Variants in PCNX2 observed in about 807,000 individuals in gnomAD.
PCNX2 encodes pecanex-like protein 2.
Under a neutral mutation model 223.8 loss-of-function variants are expected in PCNX2, and 168 were observed. That is an observed-to-expected ratio of 0.75 (90% CI 0.66 to 0.85). PCNX2 has a LOEUF of 0.85. Among genes scored for constraint, PCNX2 ranks in the 40% least tolerant of loss-of-function variants. The probability of loss-of-function intolerance (pLI) is 0.00; values close to 1 mark genes in which losing one functional copy is unlikely to be tolerated. For missense variants in PCNX2, 2,507 were observed against 2,675.5 expected (o/e 0.94, Z 1.39); for synonymous variants, 1,006 against 1,052.6 (o/e 0.96, Z 0.86).
At chr1:233,233,453 TGTGTGTG>T (rs1658193713) in intron 9 of PCNX2, among the ~76,000 whole-genome samples, 1 of 151,680 alleles carries the variant, frequency 6.6e-6, no homozygotes, top group Non-Finnish European at 1.5e-5. Flanking sequence ...TGTGTGTGTG[TGTGTGTG>T]TGTGTGTGTA....
At chr1:233,292,793 A>T (rs972428826) in intron 1 of PCNX2, among the ~76,000 whole-genome samples, 56 of 152,352 alleles carry the variant, frequency 3.7e-4, no homozygotes, top group African/African-American at 1.2e-3. Flanking sequence ...AAGCAAGAAA[A>T]AAATAACCTG....
Position 233,045,437 on chromosome 1 carries a change from C to T in PCNX2, c.4351+8831G>A, listed in dbSNP as rs139958054. 3.1e-3 allele frequency among the ~76,000 whole-genome samples: 479 copies of T among 152,338 alleles called. 1 individual carries two copies. The highest frequency in any genetic ancestry group is 0.011 in the African/African-American group (439 of 41,578). On this transcript the variant is annotated intron_variant, in intron 25 of 33. Transcript: ENST00000258229. The stretch of plus-strand genomic sequence containing the variant: ...GAAACCATCCCCTTCCCCACTACCT[C>T]CACTCACTGACTGGACTCTACATGA...
intron 1 of PCNX2, among the ~76,000 whole-genome samples, chr1:233,294,481 T>C (rs750817141): frequency 3.9e-5 from 6 of 152,168 alleles, no homozygotes; most frequent in Non-Finnish European, 7.3e-5. Flanking sequence ...CCATCAGTCA[T>C]GCAAACTCAT....
chr1:233,255,490 C>T (rs1659687364), intron 5 of PCNX2, among the ~76,000 whole-genome samples: 1 of 152,184 alleles, frequency 6.6e-6, no homozygotes, highest in Non-Finnish European at 1.5e-5. Context: ...ATAGACTTTG[C>T]TTGTTCTCAT....
At position 233,174,079 on chromosome 1, in the gene PCNX2, TA is replaced by T. The variant is rs917233217; in HGVS notation, c.3273+3722del. Among the ~76,000 whole-genome samples the T allele has an allele frequency of 1.5e-4, 22 of 143,770 alleles. 1 individual carries two copies. The highest frequency in any genetic ancestry group is 1.4e-3 in the Admixed American group (20 of 14,296). 94.3% of individuals were successfully genotyped at this position (143,770 alleles called of 152,430 possible). The stretch of plus-strand genomic sequence containing the variant: ...TAATTTAAATTTTATATATAATATA[TA>T]AAATTATATATAAATATATTTAATT... On this transcript the variant is annotated intron_variant, in intron 17 of 33. Coordinates refer to ENST00000258229, the MANE Select transcript of PCNX2 (RefSeq NM_014801.4).
At position 233,000,983 on chromosome 1, in the gene PCNX2, ACCATATTTTTAAAGG is replaced by A. The variant is rs1187208702; in HGVS notation, c.5098-463_5098-449del. On this transcript the variant is annotated intron_variant, in intron 29 of 33. Transcript: ENST00000258229. This position sits in a 1 kb window ranked among gnomAD's most constrained non-coding sequence, Gnocchi z 4.6. ...TTACAGTGCTGTGCAGAGAAAGGAG[ACCATATTTTTAAAGG>A]CCATTTTTTCCCCTAAAGTTTCAGG... 6.6e-6 allele frequency among the ~76,000 whole-genome samples: 1 copy of A among 152,090 alleles called. No homozygotes were observed. Among genetic ancestry groups the A allele is most frequent in the East Asian group, 1.9e-4 (1 of 5,184 alleles).
chr1:233,187,784 T>G (rs1032110942), intron 15 of PCNX2, among the ~76,000 whole-genome samples: 1 of 152,118 alleles, frequency 6.6e-6, no homozygotes, highest in Non-Finnish European at 1.5e-5. Context: ...CGGTTTCCCC[T>G]TCATCCTCAG....
At chr1:233,130,955 C>T (rs1233332416) in intron 21 of PCNX2, among the ~76,000 whole-genome samples, 2 of 152,088 alleles carry the variant, frequency 1.3e-5, no homozygotes, top group African/African-American at 2.4e-5. Context: ...GGCCTCCTGG[C>T]GCTTTGATCT....
rs191756789 is a variant in PCNX2, at chr1:233,003,306, T to A, written c.4953-1625A>T. On this transcript the variant is annotated intron_variant, in intron 28 of 33. Transcript: ENST00000258229. ...TCTACAAGGAACTTAAACAAATTTATAAGAAAAAAACAACCCCATCAAAAA... is the reference window on the plus strand; with the variant it reads ...TCTACAAGGAACTTAAACAAATTTAAAAGAAAAAAACAACCCCATCAAAAA... Among the ~76,000 whole-genome samples, 632 of 151,804 alleles carry A rather than the reference T, an allele frequency of 4.2e-3. 5 individuals are homozygous for A. The highest frequency in any genetic ancestry group is 0.015 in the African/African-American group (605 of 41,432).
intron 17 of PCNX2, among the ~76,000 whole-genome samples, chr1:233,176,329 T>G (rs114016208): frequency 0.01 from 1,587 of 152,318 alleles, 28 homozygotes; most frequent in African/African-American, 0.036. Context: ...AGTTGTAGGA[T>G]TCTCTTGTTC....
At chr1:233,158,573 T>C (rs558787018) in intron 19 of PCNX2, among the ~76,000 whole-genome samples, 19 of 152,264 alleles carry the variant, frequency 1.2e-4, no homozygotes, top group Non-Finnish European at 2.2e-4. Flanking sequence ...AGTATTGGTA[T>C]GGGTATAGGC....
At chr1:233,264,103 T>C (rs12758471) in intron 1 of PCNX2, among the ~76,000 whole-genome samples, 59,623 of 151,990 alleles carry the variant, frequency 0.39, 12,612 homozygotes, top group African/African-American at 0.56. Flanking sequence ...ATGCAATCCC[T>C]TCAAGAAACA....
chr1:233,009,710 C>T (rs1408394271), intron 28 of PCNX2, among the ~76,000 whole-genome samples: 2 of 152,140 alleles, frequency 1.3e-5, no homozygotes. Context: ...TCTAGAGAGT[C>T]CATGTCACTG....
At chr1:233,208,826 C>CAAAAAAAAAAAAAAAAAAAAAAAAAAT in intron 12 of PCNX2, 137 bp from the exon 13 acceptor site, 1 of 59,536 alleles carries the variant, frequency 1.7e-5, no homozygotes, top group Non-Finnish European at 3.2e-5. Flanking sequence ...AATTCATATA[C>CAAAAAAAAAAAAAAAAAAAAAAAAAAT]AAAAAAAAAA....
At chr1:233,130,514 T>G (rs1415179696) in intron 21 of PCNX2, among the ~76,000 whole-genome samples, 2 of 143,476 alleles carry the variant, frequency 1.4e-5, no homozygotes, top group Non-Finnish European at 3.1e-5. Flanking sequence ...TGATGGAGTC[T>G]TGCCTTGTTG....
Position 232,999,240 on chromosome 1 carries a change from T to C in PCNX2, c.5468A>G (p.Gln1823Arg). The change falls in exon 31 of 34, where the codon CAG becomes CGG. Residue 1823 changes from glutamine to arginine, a missense_variant. Gln to Arg is a conservative substitution (Grantham distance 43). This residue lies in a region of PCNX2 where 1,372 missense variants were observed against 1,509.4 expected (regional missense o/e 0.91). Transcript: ENST00000258229. Reference protein sequence around the residue: ...LRNLINSSCDQPLGYPMYVSP... With the variant: ...LRNLINSSCDRPLGYPMYVSP... ...GACATACATGGGGTACCCCAGGGGC[T>C]GATCGCAGGAGGAGTTAATCAAGTT... 6.2e-7 allele frequency: 1 copy of C among 1,613,850 alleles called. No individual in the cohort carries two copies. The highest frequency in any genetic ancestry group is 8.5e-7 in the Non-Finnish European group (1 of 1,179,828).
At position 233,001,575 on chromosome 1, in the gene PCNX2, C is replaced by T. The variant is rs1271611208; in HGVS notation, c.5059G>A (p.Val1687Ile). 6.6e-7 allele frequency: 1 copy of T among 1,509,552 alleles called. No homozygotes were observed. The highest frequency in any genetic ancestry group is 8.9e-7 in the Non-Finnish European group (1 of 1,120,506). The allele number at this position is 1,509,552 out of a possible 1,614,324, so 93.5% of individuals were successfully genotyped here. The change falls in exon 29 of 34, where the codon GTA becomes ATA. Residue 1687 changes from valine (V) to isoleucine (I), a missense_variant. Physicochemically the swap from Val to Ile is conservative, Grantham distance 29 (BLOSUM62 3). This residue lies in a region of PCNX2 where 1,372 missense variants were observed against 1,509.4 expected (regional missense o/e 0.91). Coordinates refer to ENST00000258229, the MANE Select transcript of PCNX2 (RefSeq NM_014801.4). The surrounding 1 kb of genome is among the most constrained non-coding windows in gnomAD (Gnocchi z 4.2). Reference protein sequence around the residue: ...FADMDLLHKVVAPAIRMSLKL... With the variant: ...FADMDLLHKVIAPAIRMSLKL... ...AGGGACATCCTGATAGCTGGAGCTA[C>T]AACTTTATGCAGTAGGTCCATGTCA... is the stretch of plus-strand genomic sequence containing the variant.
rs1387065011 is a variant in PCNX2 at position 233,025,253 on chromosome 1, T to G, written c.4498A>C (p.Thr1500Pro). ...CCCTCCAGGATGTACTGGGTCTGCG[T>G]GATTTCCCAGGTGAGCCAGCGGAGG... ...FHLRWLTWEITQTQYILEGYS... is the reference protein window; with the variant it reads ...FHLRWLTWEIPQTQYILEGYS... The change falls in exon 26 of 34, where the codon ACG (threonine) becomes CCG (proline). Residue 1500 changes from threonine to proline, a missense_variant. Thr to Pro is a conservative substitution (Grantham distance 38, BLOSUM62 -1). Transcript: ENST00000258229. 3 of 1,613,892 alleles carry G rather than the reference T, an allele frequency of 1.9e-6. No individual in the cohort carries two copies. The South Asian group carries it at 3.3e-5, about 18-fold the overall frequency.
chr1:233,113,904 C>T (rs1488692443), intron 21 of PCNX2, among the ~76,000 whole-genome samples: 1 of 152,178 alleles, frequency 6.6e-6, no homozygotes, highest in Non-Finnish European at 1.5e-5. Context: ...TTAGGATATG[C>T]TAATGAACAG....
Sources: gnomAD v4.1 joint callset for allele counts (sites outside exome capture counted in the v4.1 genomes callset) on GRCh38, gnomAD v4.1.1 for gene constraint, gnomAD v4.1.1 regional missense constraint, Gnocchi (gnomAD v3.1) non-coding constraint, MANE v1.5 for transcripts, NCBI Gene and HGNC (gene_info 2026-07-23, HGNC 2026-07-21) for gene names.